Variants in SLC4A4 observed in about 807,000 individuals in gnomAD.
SLC4A4 encodes solute carrier family 4 member 4, also known as electrogenic sodium bicarbonate cotransporter 1.
In SLC4A4, 27 loss-of-function variants were observed where a neutral mutation model predicts 111.5. The observed-to-expected ratio is 0.24, with a 90% CI of 0.18 to 0.33. The LOEUF is 0.33. Among genes scored for constraint, SLC4A4 ranks in the 10% least tolerant of loss-of-function variants. The pLI is 1.00. For missense variants in SLC4A4, 909 were observed against 1,315.5 expected (o/e 0.69, Z 4.78); for synonymous variants, 443 against 463.4 (o/e 0.96, Z 0.57).
intron 2 of SLC4A4, among the ~76,000 whole-genome samples, chr4:71,094,502 A>G (rs968546572): frequency 6.6e-6 from 1 of 152,210 alleles, no homozygotes; most frequent in Non-Finnish European, 1.5e-5. Flanking sequence ...CCATGTTGTA[A>G]TATTTAAGGC....
chr4:71,225,094 G>A (rs780152830), intron 1 of SLC4A4, among the ~76,000 whole-genome samples: 2 of 152,298 alleles, frequency 1.3e-5, no homozygotes, highest in African/African-American at 2.4e-5. Context: ...GCTCACGCCT[G>A]TAATCCCAGC....
intron 3 of SLC4A4, among the ~76,000 whole-genome samples, chr4:71,269,051 T>C (rs1722509809): frequency 6.6e-6 from 1 of 152,206 alleles, no homozygotes; most frequent in Non-Finnish European, 1.5e-5. Flanking sequence ...ACATGCTGTG[T>C]TGGGAGTCAG....
chr4:71,168,941 T>C (rs745456850), intron 2 of SLC4A4, among the ~76,000 whole-genome samples: 2 of 152,210 alleles, frequency 1.3e-5, no homozygotes, highest in Non-Finnish European at 2.9e-5. Context: ...CTTTGATATA[T>C]TGATTTCCTT....
chr4:71,142,856 C>A (rs186290607), intron 2 of SLC4A4, among the ~76,000 whole-genome samples: 2 of 149,206 alleles, frequency 1.3e-5, no homozygotes, highest in Admixed American at 1.4e-4. Context: ...TCTAGGCATG[C>A]GCAAACTGGC....
chr4:71,335,060 C>G (rs1236886521), intron 3 of SLC4A4, among the ~76,000 whole-genome samples: 1 of 151,948 alleles, frequency 6.6e-6, no homozygotes, highest in Admixed American at 6.5e-5. Flanking sequence ...ACACAGGGGC[C>G]TACGTGAAGT....
At chr4:71,093,772 C>G (rs1015074892) in intron 2 of SLC4A4, among the ~76,000 whole-genome samples, 1 of 152,142 alleles carries the variant, frequency 6.6e-6, no homozygotes, top group African/African-American at 2.4e-5. Context: ...AGGGACCTAC[C>G]TATTTGTTGG....
intron 1 of SLC4A4, among the ~76,000 whole-genome samples, chr4:71,220,044 G>A (rs542071669): frequency 6.6e-5 from 10 of 152,324 alleles, no homozygotes; most frequent in African/African-American, 2.2e-4. Flanking sequence ...AAACCTAGTC[G>A]ATAAAGTAGC....
intron 16 of SLC4A4, among the ~76,000 whole-genome samples, chr4:71,518,124 G>T (rs1732579456): frequency 6.6e-6 from 1 of 152,036 alleles, no homozygotes; most frequent in Non-Finnish European, 1.5e-5. Context: ...GCTGGGGTAG[G>T]TGTAGAGTTT....
At chr4:71,395,409 G>T (rs1385360249) in intron 6 of SLC4A4, among the ~76,000 whole-genome samples, 1 of 152,170 alleles carries the variant, frequency 6.6e-6, no homozygotes, top group Non-Finnish European at 1.5e-5. Flanking sequence ...AGAGGAAACA[G>T]ATTTGATTAT....
chr4:71,133,965 C>G (rs888131089), intron 2 of SLC4A4, among the ~76,000 whole-genome samples: 1 of 152,068 alleles, frequency 6.6e-6, no homozygotes, highest in African/African-American at 2.4e-5. Flanking sequence ...TGGAGGCTGT[C>G]CTAGGCCTTT....
At chr4:71,255,096 T>A (rs1188622038) in intron 2 of SLC4A4, 124 bp from the exon 3 acceptor site, 1 of 978,040 alleles carries the variant, frequency 1.0e-6, no homozygotes, top group African/African-American at 1.6e-5. Context: ...TTCTAGAGTT[T>A]GCCAAATATA....
intron 3 of SLC4A4, among the ~76,000 whole-genome samples, chr4:71,302,736 G>A (rs950914063): frequency 6.6e-6 from 1 of 152,156 alleles, no homozygotes; most frequent in Admixed American, 6.5e-5. Flanking sequence ...ACCTTCAAGG[G>A]CAATGATGCC....
chr4:71,463,622 T>G lies in SLC4A4; in HGVS notation c.1498-2822T>G, dbSNP rs549661576. 4.6e-5 allele frequency among the ~76,000 whole-genome samples: 7 copies of G among 152,318 alleles called. No homozygotes were observed. In the East Asian group the frequency reaches 1.2e-3, roughly 25 times the overall value. On this transcript the variant is annotated intron_variant, in intron 12 of 25. Coordinates refer to ENST00000264485, the MANE Select transcript of SLC4A4 (RefSeq NM_001098484.3). ...AAAAATATGCCTTTTAACAGTCATA[T>G]GGCTTCCATAAATCAAAGTGGTTTT...
intron 3 of SLC4A4, among the ~76,000 whole-genome samples, chr4:71,269,810 T>C (rs1722574409): frequency 6.6e-6 from 1 of 152,204 alleles, no homozygotes; most frequent in African/African-American, 2.4e-5. Context: ...GACCATAGGT[T>C]TGGAATCGTA....
At chr4:71,175,384 G>A (rs1247941199) in intron 2 of SLC4A4, among the ~76,000 whole-genome samples, 2 of 152,342 alleles carry the variant, frequency 1.3e-5, no homozygotes, top group Admixed American at 6.5e-5. Flanking sequence ...GCGAGGCATC[G>A]CCTCACCCAG....
chr4:71,159,082 A>G (rs776627326), intron 2 of SLC4A4, among the ~76,000 whole-genome samples: 12 of 152,284 alleles, frequency 7.9e-5, no homozygotes, highest in Non-Finnish European at 1.3e-4. Context: ...TAGAGACACA[A>G]ATTTGTGTGT....
intron 1 of SLC4A4, among the ~76,000 whole-genome samples, chr4:71,086,845 G>A (rs1024755513): frequency 1.3e-5 from 2 of 151,948 alleles, no homozygotes; most frequent in African/African-American, 4.8e-5. Flanking sequence ...ATGTTCATCA[G>A]GGATATTGGT....
chr4:71,542,905 A>G (rs955402446), intron 18 of SLC4A4, among the ~76,000 whole-genome samples: 3 of 152,142 alleles, frequency 2.0e-5, no homozygotes, highest in Non-Finnish European at 2.9e-5. Flanking sequence ...TTATTCATTT[A>G]TCCATCAAAC....
intron 1 of SLC4A4, 117 bp from the exon 2 acceptor site, chr4:71,236,459 C>T (rs1719816246): frequency 2.2e-6 from 2 of 921,986 alleles, no homozygotes; most frequent in Non-Finnish European, 3.4e-6. Flanking sequence ...AAGAGTGACT[C>T]TGCCCTGCTA....
Sources: gnomAD v4.1 joint callset for allele counts (sites outside exome capture counted in the v4.1 genomes callset) on GRCh38, gnomAD v4.1.1 for gene constraint, MANE v1.5 for transcripts, NCBI Gene and HGNC (gene_info 2026-07-23, HGNC 2026-07-21) for gene names.